Variants in DNAH5 observed in about 807,000 individuals in gnomAD.
DNAH5 encodes the protein dynein axonemal heavy chain 5.
DNAH5 carries 372 observed loss-of-function variants against 518.2 expected under a neutral mutation model. The ratio of observed to expected loss-of-function variants is 0.72; its 90% confidence interval spans 0.66 to 0.78. The LOEUF is 0.78. Ranked by LOEUF, DNAH5 falls within the 30% of genes least tolerant of loss-of-function variation. The pLI, the probability that DNAH5 is intolerant of heterozygous loss-of-function variation, is 0.00. For synonymous variants in DNAH5, 2,039 were observed against 2,025.9 expected (o/e 1.01, Z -0.17); for missense variants, 5,523 against 5,687.0 (o/e 0.97, Z 0.93).
intron 76 of DNAH5, among the ~76,000 whole-genome samples, chr5:13,703,497 T>A (rs752733201): frequency 7.8e-4 from 119 of 152,204 alleles, no homozygotes; most frequent in Non-Finnish European, 1.5e-3. Flanking sequence ...CTTTCATTAA[T>A]CATTCTAGGT....
intron 1 of DNAH5, among the ~76,000 whole-genome samples, chr5:13,959,517 G>C (rs547307029): frequency 6.6e-6 from 1 of 152,116 alleles, no homozygotes; most frequent in African/African-American, 2.4e-5. Flanking sequence ...GTCCCTTTTC[G>C]GACCAGCCCA....
intron 9 of DNAH5, among the ~76,000 whole-genome samples, chr5:13,916,071 A>T (rs2151984783): frequency 6.6e-6 from 1 of 152,038 alleles, no homozygotes; most frequent in African/African-American, 2.4e-5. Flanking sequence ...GCTAAACCAC[A>T]TAGGAAAGAA....
At position 13,865,540 on chromosome 5, in the gene DNAH5, A is replaced by G. The variant is rs183380341; in HGVS notation, c.4355+128T>C. On this transcript the variant is annotated intron_variant, in intron 27 of 78. Transcript: ENST00000265104. ...ATAGCATTTGACAAGAGTGATGTCA[A>G]TGGACAAGAACAATGCAGCAAGATG... The G allele has an allele frequency of 1.1e-4, 84 of 753,044 alleles. No individual in the cohort carries two copies. The African/African-American group carries it at 1.3e-3, about 12-fold the overall frequency. The allele number at this position is 753,044 out of a possible 1,614,324, so 46.6% of individuals were successfully genotyped here.
rs372860402 is a variant in DNAH5, at chr5:13,841,141, T to C, written c.5485-11A>G. 186 of 1,598,560 alleles carry C rather than the reference T, an allele frequency of 1.2e-4. No homozygotes were observed. The highest frequency in any genetic ancestry group is 1.6e-4 in the Non-Finnish European group (181 of 1,166,542). ...TCCTAATAATCCAACCTTATGGAAA[T>C]AAAAAAGGCTTCATGAATTTGTATG... On this transcript the variant is annotated splice_polypyrimidine_tract_variant and intron_variant, in intron 33 of 78. Coordinates refer to ENST00000265104, the MANE Select transcript of DNAH5 (RefSeq NM_001369.3).
intron 31 of DNAH5, among the ~76,000 whole-genome samples, chr5:13,846,496 C>G (rs1766024970): frequency 6.6e-6 from 1 of 152,154 alleles, no homozygotes; most frequent in Admixed American, 6.5e-5. Context: ...GAGTGCTGGA[C>G]AGTTCACGAT....
intron 18 of DNAH5, 82 bp from the exon 19 acceptor site, chr5:13,885,310 T>G: frequency 6.6e-7 from 1 of 1,511,658 alleles, no homozygotes; most frequent in African/African-American, 1.4e-5. Context: ...GACAGATAGA[T>G]AGAATCATCT....
In DNAH5 at chr5:13,901,137, T is replaced by C. The variant is rs926103024; in HGVS notation, c.2052+115A>G. On this transcript the variant is annotated intron_variant, in intron 14 of 78. Coordinates refer to ENST00000265104, the MANE Select transcript of DNAH5 (RefSeq NM_001369.3). The stretch of plus-strand genomic sequence containing the variant: ...ACTCTGAACGCTTAGATTCAACCCA[T>C]CTGCCTTACAAAACACCTACAAATC... The C allele has an allele frequency of 7.5e-6, 8 of 1,072,532 alleles. No individual in the cohort carries two copies. In the East Asian group the frequency reaches 1.8e-4, roughly 24 times the overall value. 66.4% of individuals were successfully genotyped at this position (1,072,532 alleles called of 1,614,324 possible).
intron 69 of DNAH5, among the ~76,000 whole-genome samples, 157 bp downstream of exon 69, chr5:13,729,282 A>AGT (rs1746176995): frequency 6.6e-6 from 1 of 152,214 alleles, no homozygotes; most frequent in African/African-American, 2.4e-5. Flanking sequence ...GCCTTATCAG[A>AGT]GTGTAAGTGT....
chr5:13,951,188 GT>G (rs67338706), intron 1 of DNAH5, among the ~76,000 whole-genome samples: 105,070 of 122,652 alleles, frequency 0.86, 44,621 homozygotes, highest in Non-Finnish European at 0.91. Flanking sequence ...TGTCTCTTTT[GT>G]TTTTTTTTTG....
chr5:13,941,459 C>T (rs77984634), intron 1 of DNAH5, among the ~76,000 whole-genome samples: 3,056 of 152,294 alleles, frequency 0.02, 101 homozygotes, highest in African/African-American at 0.07. Flanking sequence ...TTTTGATCTG[C>T]TCTATGTGAA....
chr5:13,742,158 G>A (rs1007503808), intron 65 of DNAH5, among the ~76,000 whole-genome samples: 1 of 152,094 alleles, frequency 6.6e-6, no homozygotes, highest in Non-Finnish European at 1.5e-5. Flanking sequence ...GCATAATAAA[G>A]TAGCTGAAAA....
chr5:13,805,423 A>T (rs1580338566), intron 47 of DNAH5, among the ~76,000 whole-genome samples: 1 of 152,020 alleles, frequency 6.6e-6, no homozygotes, highest in Admixed American at 6.6e-5. Flanking sequence ...GCTTGAACCC[A>T]GGAGGTGGAG....
rs746098055 is a variant in DNAH5 at position 13,911,508 on chromosome 5, G to A, written c.1537-15C>T. On this transcript the variant is annotated splice_polypyrimidine_tract_variant and intron_variant, in intron 11 of 78. Coordinates refer to ENST00000265104, the MANE Select transcript of DNAH5 (RefSeq NM_001369.3). The stretch of plus-strand genomic sequence containing the variant: ...GCCACAATGCCCTGAAATATTATGA[G>A]ATAAATTAGATAATATTTCAATATT... 1.3e-6 allele frequency: 2 copies of A among 1,555,282 alleles called. No homozygotes were observed. Among genetic ancestry groups the A allele is most frequent in the Non-Finnish European group, 1.8e-6 (2 of 1,128,074 alleles).
chr5:13,692,111 G>C lies in DNAH5; in HGVS notation c.13748C>G (p.Ser4583Cys). 6.2e-7 allele frequency: 1 copy of C among 1,613,998 alleles called. No homozygotes were observed. The highest frequency in any genetic ancestry group is 8.5e-7 in the Non-Finnish European group (1 of 1,179,972). ...AACTGGCTTCTTATAGATGGGACAG[G>C]AGTAAAACCGAGGATCTCGTAAAGC... Reference protein sequence around the residue: ...NNTLRDPRFYSCPIYKKPVRT... With the variant: ...NNTLRDPRFYCCPIYKKPVRT... The change falls in exon 79 of 79, where the codon TCC (serine) becomes TGC (cysteine). Residue 4583 changes from serine (S) to cysteine (C), a missense_variant. Physicochemically the swap from Ser to Cys is moderately radical, Grantham distance 112. Transcript: ENST00000265104.
At chr5:13,850,998 C>G (rs1009465265) in intron 30 of DNAH5, among the ~76,000 whole-genome samples, 183 bp from the exon 31 acceptor site, 2 of 152,120 alleles carry the variant, frequency 1.3e-5, no homozygotes, top group African/African-American at 4.8e-5. Context: ...CATATCATCC[C>G]CTGTATTAAG....
intron 38 of DNAH5, 62 bp from the exon 39 acceptor site, chr5:13,824,395 G>T: frequency 6.7e-7 from 1 of 1,485,694 alleles, no homozygotes; most frequent in Non-Finnish European, 9.4e-7. Context: ...GAAGCCATAT[G>T]AATCTGACAG....
Position 13,861,970 on chromosome 5 carries a change from AAAAAAAC to A in DNAH5, c.4796+571_4796+577del, listed in dbSNP as rs1371136779. The stretch of plus-strand genomic sequence containing the variant: ...TCCATCTCAAAAAAAAAAAAAAAAA[AAAAAAAC>A]AAGTTCAAATGTACCCCATAAATTT... On this transcript the variant is annotated intron_variant, in intron 29 of 78. Coordinates refer to ENST00000265104, the MANE Select transcript of DNAH5 (RefSeq NM_001369.3). Among the ~76,000 whole-genome samples the A allele has an allele frequency of 9.4e-4, 142 of 151,258 alleles. 1 individual carries two copies. The highest frequency in any genetic ancestry group is 3.4e-3 in the Middle Eastern group (1 of 294).
intron 68 of DNAH5, among the ~76,000 whole-genome samples, chr5:13,732,078 C>T (rs1220856325): frequency 6.6e-6 from 1 of 150,956 alleles, no homozygotes; most frequent in Non-Finnish European, 1.5e-5. Flanking sequence ...TGTGATTGCA[C>T]CACTGCACTC....
chr5:13,990,443 C>T (rs1279350875), intron 1 of DNAH5, among the ~76,000 whole-genome samples: 4 of 152,036 alleles, frequency 2.6e-5, no homozygotes, highest in Admixed American at 6.6e-5. Context: ...GTCCCAGCTA[C>T]TCGGGAGGCT....
Sources: allele counts gnomAD v4.1 joint callset (sites outside exome capture counted in the v4.1 genomes callset), GRCh38; gene constraint gnomAD v4.1.1; transcripts MANE v1.5; gene names NCBI Gene and HGNC (gene_info 2026-07-23, HGNC 2026-07-21).